The following CACNG3 variants were observed in gnomAD, a reference collection of about 807,000 sequenced individuals.
The protein encoded by CACNG3 is calcium voltage-gated channel auxiliary subunit gamma 3, also known as voltage-dependent calcium channel gamma-3 subunit.
In CACNG3, 3 loss-of-function variants were observed where a neutral mutation model predicts 28.5. The observed-to-expected ratio is 0.11, with a 90% CI of 0.05 to 0.27. The LOEUF is 0.27. CACNG3 is among the 10% of genes least tolerant of loss of function. The probability of loss-of-function intolerance (pLI) is 1.00; values close to 1 mark genes in which losing one functional copy is unlikely to be tolerated. For missense variants in CACNG3, 236 were observed against 414.4 expected (o/e 0.57, Z 3.74); for synonymous variants, 174 against 162.2 (o/e 1.07, Z -0.55).
chr16:24,257,371 GAGAGAGAGA>G (rs1567427539), intron 1 of CACNG3, among the ~76,000 whole-genome samples: 125 of 8,796 alleles, frequency 0.014, 15 homozygotes, highest in African/African-American at 0.056. Flanking sequence ...TGAGGGGGGA[GAGAGAGAGA>G]GAGAGAGAGA....
At chr16:24,310,153 A>G (rs144013715) in intron 1 of CACNG3, among the ~76,000 whole-genome samples, 2 of 152,104 alleles carry the variant, frequency 1.3e-5, no homozygotes, top group East Asian at 3.9e-4. Context: ...AAGAGAGACT[A>G]TGCTTTGCAG....
At chr16:24,335,866 G>A (rs1246295070) in intron 1 of CACNG3, among the ~76,000 whole-genome samples, 1 of 152,122 alleles carries the variant, frequency 6.6e-6, no homozygotes, top group South Asian at 2.1e-4. Flanking sequence ...CTTGAGGCCA[G>A]GAGTTGGAGA....
rs1899422791 is a variant in CACNG3, at chr16:24,319,021, GT to G, written c.212-27712del. Among the ~76,000 whole-genome samples the G allele has an allele frequency of 2.0e-5, 3 of 152,136 alleles. No homozygotes were observed. The South Asian group carries it at 6.2e-4, about 32-fold the overall frequency. On this transcript the variant is annotated intron_variant, in intron 1 of 3. Transcript: ENST00000005284. ...TTAATAAAATCATTTTGTTTTCATT[GT>G]GTTTATTTTTACAGTGGCCTTCTAT...
intron 1 of CACNG3, among the ~76,000 whole-genome samples, chr16:24,322,426 C>T (rs1452916816): frequency 6.6e-6 from 1 of 152,142 alleles, no homozygotes; most frequent in Non-Finnish European, 1.5e-5. Context: ...TAGTCTTCTC[C>T]TCTGCCCCCT....
chr16:24,347,875 T>C (rs1899890407), intron 2 of CACNG3, among the ~76,000 whole-genome samples: 1 of 152,142 alleles, frequency 6.6e-6, no homozygotes, highest in Non-Finnish European at 1.5e-5. Context: ...CCTTTCTTCA[T>C]TTTTTTCTGA....
At chr16:24,334,798 T>C (rs35127768) in intron 1 of CACNG3, among the ~76,000 whole-genome samples, 33,659 of 152,148 alleles carry the variant, frequency 0.22, 4,357 homozygotes, top group Admixed American at 0.35. Flanking sequence ...GTCTATTCCC[T>C]CCCGGGAGTG....
At chr16:24,280,811 G>C (rs1410006852) in intron 1 of CACNG3, among the ~76,000 whole-genome samples, 1 of 80,992 alleles carries the variant, frequency 1.2e-5, no homozygotes, top group Non-Finnish European at 2.3e-5. Context: ...GACAGAGCAA[G>C]AGTTTGTCTC....
intron 1 of CACNG3, among the ~76,000 whole-genome samples, chr16:24,309,196 G>C (rs1445822709): frequency 2.2e-4 from 33 of 152,194 alleles, no homozygotes; most frequent in Admixed American, 2.2e-3. Context: ...TAAGTATGCA[G>C]AGTAGAAAAA....
chr16:24,334,297 C>T (rs1386053839), intron 1 of CACNG3, among the ~76,000 whole-genome samples: 2 of 152,136 alleles, frequency 1.3e-5, no homozygotes, highest in African/African-American at 4.8e-5. Context: ...GCTCTGGCTA[C>T]AGAATTGGCC....
intron 2 of CACNG3, among the ~76,000 whole-genome samples, chr16:24,352,588 G>T (rs531763410): frequency 6.6e-6 from 1 of 152,112 alleles, no homozygotes; most frequent in African/African-American, 2.4e-5. Context: ...GCCCAGGCTG[G>T]AGTGCAGTGG....
At chr16:24,314,693 A>C (rs1012539397) in intron 1 of CACNG3, among the ~76,000 whole-genome samples, 1 of 151,462 alleles carries the variant, frequency 6.6e-6, no homozygotes, top group African/African-American at 2.4e-5. Flanking sequence ...GACATGTGGC[A>C]GCTACATTTT....
intron 1 of CACNG3, among the ~76,000 whole-genome samples, chr16:24,318,168 G>C (rs1899412170): frequency 6.6e-6 from 1 of 152,062 alleles, no homozygotes; most frequent in Non-Finnish European, 1.5e-5. Flanking sequence ...CACGTAGGAG[G>C]CACTCAGTAT....
intron 1 of CACNG3, among the ~76,000 whole-genome samples, chr16:24,298,609 G>A (rs890300057): frequency 6.6e-6 from 1 of 152,174 alleles, no homozygotes; most frequent in Non-Finnish European, 1.5e-5. Flanking sequence ...ATGAATATGA[G>A]ACATTTGTTC....
intron 2 of CACNG3, among the ~76,000 whole-genome samples, chr16:24,349,707 G>A (rs897749421): frequency 1.3e-5 from 2 of 152,136 alleles, no homozygotes; most frequent in African/African-American, 2.4e-5. Flanking sequence ...TGGTTTTGGC[G>A]GGTTTGGGCT....
At chr16:24,301,034 G>T (rs1899102025) in intron 1 of CACNG3, among the ~76,000 whole-genome samples, 1 of 130,474 alleles carries the variant, frequency 7.7e-6, no homozygotes, top group South Asian at 2.4e-4. Flanking sequence ...CAAGAGCAAG[G>T]CTCCATCTCA....
intron 1 of CACNG3, among the ~76,000 whole-genome samples, chr16:24,261,719 T>G (rs1024303276): frequency 5.3e-5 from 8 of 152,222 alleles, no homozygotes; most frequent in Non-Finnish European, 8.8e-5. Flanking sequence ...AACTTAAAGT[T>G]ATGGAGAAGA....
chr16:24,296,163 C>A (rs1243064021), intron 1 of CACNG3, among the ~76,000 whole-genome samples: 1 of 152,232 alleles, frequency 6.6e-6, no homozygotes, highest in Non-Finnish European at 1.5e-5. Flanking sequence ...AATTGTCATT[C>A]TCTTTCTGTG....
intron 1 of CACNG3, among the ~76,000 whole-genome samples, chr16:24,291,170 T>A (rs549655493): frequency 6.6e-6 from 1 of 152,312 alleles, no homozygotes; most frequent in Non-Finnish European, 1.5e-5. Flanking sequence ...TGATAAAGCA[T>A]TTAGCTTAGT....
intron 1 of CACNG3, among the ~76,000 whole-genome samples, chr16:24,262,596 A>T (rs1898550396): frequency 6.6e-6 from 1 of 152,256 alleles, no homozygotes; most frequent in Non-Finnish European, 1.5e-5. Flanking sequence ...CTGGCCCCAC[A>T]GATGTCATCG....
Sources: gnomAD v4.1 joint callset for allele counts (sites outside exome capture counted in the v4.1 genomes callset) on GRCh38, gnomAD v4.1.1 for gene constraint, MANE v1.5 for transcripts, NCBI Gene and HGNC (gene_info 2026-07-23, HGNC 2026-07-21) for gene names.